The following BPIFB1 variants were observed in gnomAD, a reference collection of about 807,000 sequenced individuals.
The protein encoded by BPIFB1 is BPI fold containing family B member 1.
BPIFB1 carries 34 observed loss-of-function variants against 55.1 expected under a neutral mutation model. The observed-to-expected ratio is 0.62, with a 90% confidence interval of 0.47 to 0.82. The LOEUF (loss-of-function observed/expected upper bound fraction) is 0.82. Ranked by LOEUF, BPIFB1 falls within the 40% of genes least tolerant of loss-of-function variation. The pLI is 0.00. For synonymous variants in BPIFB1, 236 were observed against 245.3 expected, an observed-to-expected ratio of 0.96 and a Z score of 0.35; for missense variants, 532 against 593.1, an observed-to-expected ratio of 0.90 and a Z score of 1.07.
Position 33,288,882 on chromosome 20 carries a change from G to A in BPIFB1, c.257G>A (p.Trp86Ter). Residue 86 changes from tryptophan to a stop codon, truncating the protein, a stop_gained and splice_region_variant, in exon 3 of 16, where the codon TGG becomes TAG. Coordinates refer to ENST00000253354, the MANE Select transcript of BPIFB1 (RefSeq NM_033197.3). LOFTEE classifies it high-confidence loss of function. ...AACACCGTCCTGAAGCACATCATCT[G>A]GTGAGTGGAGCAGGACCACACCAGG... is the stretch of plus-strand genomic sequence containing the variant. ...LVNTVLKHII[W>*]LKVITANILQ... 2 of 1,612,578 alleles carry A rather than the reference G, an allele frequency of 1.2e-6. No individual in the cohort carries two copies. The highest frequency in any genetic ancestry group is 3.3e-4 in the Middle Eastern group (2 of 6,056).
At chr20:33,301,517 T>A in intron 9 of BPIFB1, 105 bp downstream of exon 9, 1 of 1,074,020 alleles carries the variant, frequency 9.3e-7, no homozygotes, top group Non-Finnish European at 1.3e-6. Flanking sequence ...AGGCTCAGTT[T>A]AATGGAGATC....
chr20:33,289,719 T>G (rs1980393064), intron 3 of BPIFB1, among the ~76,000 whole-genome samples, 166 bp from the exon 4 acceptor site: 2 of 146,502 alleles, frequency 1.4e-5, no homozygotes, highest in African/African-American at 5.1e-5. Context: ...TGAGCAGGAG[T>G]GGAGGGGAGG....
intron 7 of BPIFB1, chr20:33,299,350 G>T (rs879034568): frequency 2.8e-6 from 1 of 359,814 alleles, no homozygotes; most frequent in Non-Finnish European, 5.6e-6. Context: ...AGATCTTTGG[G>T]GGGAGCAGAG....
Position 33,309,830 on chromosome 20 carries a change from A to G in BPIFB1, c.*63A>G. 1 of 1,417,848 alleles carries G rather than the reference A, an allele frequency of 7.1e-7. No homozygotes were observed. The highest frequency in any genetic ancestry group is 1.8e-4 in the Middle Eastern group (1 of 5,534). 87.8% of individuals were successfully genotyped at this position (1,417,848 alleles called of 1,614,324 possible). On this transcript the variant is annotated 3_prime_UTR_variant, in exon 16 of 16. Coordinates refer to ENST00000253354, the MANE Select transcript of BPIFB1 (RefSeq NM_033197.3). This position sits in a 1 kb window ranked among gnomAD's most constrained non-coding sequence, Gnocchi z 4.4. ...AGCTGGGAGTATGGGTGTGAGCTCT[A>G]TAGACCATCCCTCTCTGCAATCAAT...
intron 4 of BPIFB1, 63 bp downstream of exon 4, chr20:33,290,055 CCG>C: frequency 7.9e-7 from 1 of 1,271,400 alleles, no homozygotes. Context: ...TCCCCCTCCC[CCG>C]CCCCCACCAT....
rs765893847 is a variant in BPIFB1, at chr20:33,309,660, C to A, written c.1396-48C>A. On this transcript the variant is annotated intron_variant, in intron 15 of 15. Transcript: ENST00000253354. This position sits in a 1 kb window ranked among gnomAD's most constrained non-coding sequence, Gnocchi z 4.4. ...GACAAAACCAGCATAAACCACAAGG[C>A]AAAAGGTTAAAGAAACCTGTTTTCT... 1 of 1,586,440 alleles carries A rather than the reference C, an allele frequency of 6.3e-7. No homozygotes were observed. The highest frequency in any genetic ancestry group is 1.1e-5 in the South Asian group (1 of 90,460).
At chr20:33,296,186 C>A (rs1355455097) in intron 6 of BPIFB1, among the ~76,000 whole-genome samples, 2 of 152,062 alleles carry the variant, frequency 1.3e-5, no homozygotes, top group African/African-American at 4.8e-5. Flanking sequence ...AGGATTGAGA[C>A]CTGCTGATAG....
intron 13 of BPIFB1, among the ~76,000 whole-genome samples, chr20:33,305,215 C>T (rs1010830390): frequency 6.6e-6 from 1 of 152,120 alleles, no homozygotes; most frequent in African/African-American, 2.4e-5. Context: ...CGCCTCAGTG[C>T]CCCTAGACAG....
chr20:33,308,956 C>T (rs993261694), intron 15 of BPIFB1, among the ~76,000 whole-genome samples: 4 of 133,562 alleles, frequency 3.0e-5, no homozygotes, highest in Non-Finnish European at 6.4e-5. Context: ...ACACACTACA[C>T]ATGCACATAC....
intron 15 of BPIFB1, 72 bp downstream of exon 15, chr20:33,307,059 G>A: frequency 1.4e-6 from 2 of 1,414,548 alleles, no homozygotes; most frequent in Non-Finnish European, 2.0e-6. Flanking sequence ...CTGGGAGGTG[G>A]GGCCTGCACT....
intron 7 of BPIFB1, chr20:33,299,311 G>A (rs1200934003): frequency 2.5e-6 from 1 of 397,814 alleles, no homozygotes; most frequent in East Asian, 7.5e-5. Flanking sequence ...CCACCTGGCG[G>A]CCAAGTGGGG....
At chr20:33,305,088 C>T (rs1843485202) in intron 13 of BPIFB1, among the ~76,000 whole-genome samples, 197 bp downstream of exon 13, 1 of 152,116 alleles carries the variant, frequency 6.6e-6, no homozygotes, top group African/African-American at 2.4e-5. Flanking sequence ...CAGCTGAGAA[C>T]ACACACACGC....
chr20:33,309,748 G>C lies in BPIFB1; in HGVS notation c.1436G>C (p.Ser479Thr), dbSNP rs1999663. ...ACTCCAGCCTCCTTGTGGAAACCCA[G>C]CTCTCCTGTCTCCCAGTGAAGACTT... ...VLTPASLWKP[S>T]SPVSQ is the part of the protein sequence containing the mutation. Residue 479 changes from serine to threonine, a missense_variant, in exon 16 of 16, where the codon AGC becomes ACC. Ser to Thr is a moderately conservative substitution (Grantham distance 58, BLOSUM62 1). Coordinates refer to ENST00000253354, the MANE Select transcript of BPIFB1 (RefSeq NM_033197.3). This position sits in a 1 kb window ranked among gnomAD's most constrained non-coding sequence, Gnocchi z 4.4. The C allele has an allele frequency of 0.51, 819,453 of 1,613,068 alleles. 215,246 individuals are homozygous for C. Among genetic ancestry groups the C allele is most frequent in the East Asian group, 0.81 (36,216 of 44,856 alleles).
chr20:33,291,548 G>A (rs985290256), intron 5 of BPIFB1, among the ~76,000 whole-genome samples: 5 of 152,242 alleles, frequency 3.3e-5, no homozygotes, highest in Non-Finnish European at 7.3e-5. Context: ...GCAGTGGTGA[G>A]AAAACTGATC....
chr20:33,285,786 T>C (rs1226088065), intron 1 of BPIFB1, among the ~76,000 whole-genome samples: 2 of 152,034 alleles, frequency 1.3e-5, no homozygotes, highest in Non-Finnish European at 2.9e-5. Flanking sequence ...GACACCGTGC[T>C]AAATGCTTTC....
In BPIFB1 at chr20:33,288,741, A is replaced by G. The variant is rs61737957; in HGVS notation, c.116A>G (p.Lys39Arg). The G allele has an allele frequency of 1.4e-3, 2,258 of 1,613,412 alleles. 36 individuals carry two copies. The African/African-American group carries it at 0.025, about 18-fold the overall frequency. Residue 39 changes from lysine (K) to arginine (R), a missense_variant and splice_region_variant, in exon 3 of 16, where the codon AAG becomes AGG. By Grantham distance (26) the Lys-to-Arg change is conservative. Transcript: ENST00000253354. Reference protein sequence around the residue: ...LILGPKVIKEKLTQELKDHNA... With the variant: ...LILGPKVIKERLTQELKDHNA... ...CCTAATCCCTGGGGTCTGCCTCCAG[A>G]GCTGACACAGGAGCTGAAGGACCAC... is the stretch of plus-strand genomic sequence containing the variant.
chr20:33,304,074 G>T (rs774947240), intron 12 of BPIFB1, 49 bp downstream of exon 12: 15 of 1,542,416 alleles, frequency 9.7e-6, no homozygotes, highest in Non-Finnish European at 1.3e-5. Flanking sequence ...AATGAGTCCC[G>T]CCTGGTAACC....
chr20:33,305,002 C>T, intron 13 of BPIFB1, 111 bp downstream of exon 13: 1 of 1,244,070 alleles, frequency 8.0e-7, no homozygotes, highest in Non-Finnish European at 1.2e-6. Flanking sequence ...ACAGAAGCAC[C>T]ATGGGGGGCT....
At chr20:33,298,989 TTTG>T in intron 7 of BPIFB1, 3 of 326,844 alleles carry the variant, frequency 9.2e-6, no homozygotes, top group South Asian at 5.0e-5. Context: ...TTTTTTTTTT[TTTG>T]GAGACGGACC....
Sources: gnomAD v4.1 joint callset for allele counts (sites outside exome capture counted in the v4.1 genomes callset) on GRCh38, gnomAD v4.1.1 for gene constraint, Gnocchi (gnomAD v3.1) non-coding constraint, MANE v1.5 for transcripts, NCBI Gene and HGNC (gene_info 2026-07-23, HGNC 2026-07-21) for gene names.